Variants in SNTB1 observed in about 807,000 individuals in gnomAD.
SNTB1 encodes syntrophin beta 1.
Under a neutral mutation model 48.9 loss-of-function variants are expected in SNTB1, and 36 were observed. That is an observed-to-expected ratio of 0.74 (90% CI 0.56 to 0.97). SNTB1 has a LOEUF of 0.97. Ranked by LOEUF, SNTB1 falls within the 50% of genes least tolerant of loss-of-function variation. The pLI is 0.00. For missense variants in SNTB1, 786 were observed against 703.4 expected, an observed-to-expected ratio of 1.12 and a Z score of -1.33; for synonymous variants, 299 against 294.6, an observed-to-expected ratio of 1.01 and a Z score of -0.15.
At chr8:120,768,704 T>G (rs1266719221) in intron 1 of SNTB1, 1 of 152,172 alleles carries the variant, frequency 6.6e-6, no homozygotes, top group Admixed American at 6.5e-5. Context: ...GTGCTTCAAG[T>G]CCTTATCAGC....
chr8:120,787,293 A>C (rs1328419490), intron 1 of SNTB1, among the ~76,000 whole-genome samples: 1 of 152,148 alleles, frequency 6.6e-6, no homozygotes, highest in Non-Finnish European at 1.5e-5. Context: ...TGAGAAAAAC[A>C]ATTCACGCAA....
chr8:120,674,290 A>T lies in SNTB1; in HGVS notation c.788+19402T>A, dbSNP rs187894317. On this transcript the variant is annotated intron_variant, in intron 2 of 6. Coordinates refer to ENST00000517992, the MANE Select transcript of SNTB1 (RefSeq NM_021021.4). ...CTTTGCTTTATCCACTCATCAGTTC[A>T]TCCAGCCATCTATCCATTCCTTCAG... Among the ~76,000 whole-genome samples the T allele has an allele frequency of 7.9e-5, 12 of 152,290 alleles. No individual in the cohort carries two copies. The East Asian group carries it at 2.3e-3, about 29-fold the overall frequency.
chr8:120,711,034 CT>C (rs1818454225), intron 1 of SNTB1, among the ~76,000 whole-genome samples: 1 of 152,124 alleles, frequency 6.6e-6, no homozygotes, highest in African/African-American at 2.4e-5. Flanking sequence ...ATCTTTTTGG[CT>C]TGTGCAAAAA....
intron 2 of SNTB1, among the ~76,000 whole-genome samples, chr8:120,645,498 G>C (rs1170982463): frequency 1.3e-5 from 2 of 151,762 alleles, no homozygotes; most frequent in African/African-American, 2.4e-5. Flanking sequence ...ATTTCTGAGA[G>C]CTCTGTTCTG....
At chr8:120,622,185 C>T (rs532154924) in intron 3 of SNTB1, among the ~76,000 whole-genome samples, 33 of 152,132 alleles carry the variant, frequency 2.2e-4, no homozygotes, top group Non-Finnish European at 4.1e-4. Flanking sequence ...AAGTGACTAA[C>T]GTAATTCTGA....
At chr8:120,721,060 A>G (rs1563579987) in intron 1 of SNTB1, among the ~76,000 whole-genome samples, 1 of 152,128 alleles carries the variant, frequency 6.6e-6, no homozygotes, top group East Asian at 1.9e-4. Context: ...AGCTTTTATT[A>G]ATGTGTTAGA....
rs11365836 is a variant in SNTB1 at position 120,603,099 on chromosome 8, ATT to A, written c.997-27876_997-27875del. On this transcript the variant is annotated intron_variant, in intron 3 of 6. Coordinates refer to ENST00000517992, the MANE Select transcript of SNTB1 (RefSeq NM_021021.4). ...CCACCCCCCTCAAAAAAGTCTCTAG[ATT>A]TTTTTTTTTTTCTTTTTTTGAGACG... Among the ~76,000 whole-genome samples, 777 of 146,682 alleles carry A rather than the reference ATT, an allele frequency of 5.3e-3. 6 individuals carry two copies. Among genetic ancestry groups the A allele is most frequent in the African/African-American group, 0.018 (713 of 40,180 alleles).
chr8:120,541,946 A>C lies in SNTB1; in HGVS notation c.1388T>G (p.Phe463Cys). 1 of 1,613,968 alleles carries C rather than the reference A, an allele frequency of 6.2e-7. No homozygotes were observed. The highest frequency in any genetic ancestry group is 8.5e-7 in the Non-Finnish European group (1 of 1,179,936). Residue 463 changes from phenylalanine (F) to cysteine (C), a missense_variant, in exon 6 of 7, where the codon TTT (phenylalanine) becomes TGT (cysteine). Coordinates refer to ENST00000517992, the MANE Select transcript of SNTB1 (RefSeq NM_021021.4). ...CRLTIHYENG[F>C]SITTEPQEGA... The stretch of plus-strand genomic sequence containing the variant: ...CTCCTGTGGTTCAGTGGTAATAGAA[A>C]ATCCATTCTCATAATGTATGGTCAA...
chr8:120,775,097 T>G (rs1024154136), intron 1 of SNTB1, among the ~76,000 whole-genome samples: 4 of 152,188 alleles, frequency 2.6e-5, no homozygotes, highest in Non-Finnish European at 5.9e-5. Context: ...CATAACATAC[T>G]TGTCTAAAAC....
intron 3 of SNTB1, among the ~76,000 whole-genome samples, chr8:120,594,072 T>C (rs1816286290): frequency 6.6e-6 from 1 of 152,080 alleles, no homozygotes; most frequent in African/African-American, 2.4e-5. Flanking sequence ...TTTATTTATT[T>C]ATTTATTTTG....
In SNTB1 at chr8:120,767,028, T is replaced by C. The variant is rs892381673; in HGVS notation, c.571+44245A>G. ...AATCAAAACAAAGAGTTTAACTATG[T>C]TTTACAGATGGCCAGAAATCTAGTG... On this transcript the variant is annotated intron_variant, in intron 1 of 6. Transcript: ENST00000517992. Among the ~76,000 whole-genome samples, 8 of 152,304 alleles carry C rather than the reference T, an allele frequency of 5.3e-5. No individual in the cohort carries two copies. The East Asian group carries it at 1.3e-3, about 26-fold the overall frequency.
At chr8:120,696,216 T>C (rs1587095974) in intron 1 of SNTB1, among the ~76,000 whole-genome samples, 1 of 152,234 alleles carries the variant, frequency 6.6e-6, no homozygotes, top group East Asian at 1.9e-4. Context: ...ATTATCCTTC[T>C]GAGTGGAGTA....
At chr8:120,793,045 C>T (rs1429939571) in intron 1 of SNTB1, among the ~76,000 whole-genome samples, 1 of 151,858 alleles carries the variant, frequency 6.6e-6, no homozygotes, top group African/African-American at 2.4e-5. Flanking sequence ...TTTAGGGCTC[C>T]ATACTAAGAG....
Position 120,672,479 on chromosome 8 carries a change from T to C in SNTB1, c.788+21213A>G, listed in dbSNP as rs374984068. 9.9e-5 allele frequency among the ~76,000 whole-genome samples: 15 copies of C among 152,250 alleles called. No individual in the cohort carries two copies. In the South Asian group the frequency reaches 2.1e-3, roughly 21 times the overall value. On this transcript the variant is annotated intron_variant, in intron 2 of 6. Transcript: ENST00000517992. ...TGACTTTCAAGGTCAATCCTGGGGGTGAGGATGATTTAACTCACTGATCAG... is the reference window on the plus strand; with the variant it reads ...TGACTTTCAAGGTCAATCCTGGGGGCGAGGATGATTTAACTCACTGATCAG...
At chr8:120,692,213 A>G (rs1818140615) in intron 2 of SNTB1, among the ~76,000 whole-genome samples, 1 of 152,142 alleles carries the variant, frequency 6.6e-6, no homozygotes, top group African/African-American at 2.4e-5. Context: ...CAGCGTCCTT[A>G]GAGTGAGCTA....
At chr8:120,696,019 A>G (rs539337693) in intron 1 of SNTB1, among the ~76,000 whole-genome samples, 9 of 152,206 alleles carry the variant, frequency 5.9e-5, no homozygotes, top group South Asian at 2.1e-4. Flanking sequence ...AGGGGGACAT[A>G]TTGAAGCTGT....
At chr8:120,563,165 C>T (rs1333194840) in intron 4 of SNTB1, among the ~76,000 whole-genome samples, 1 of 152,104 alleles carries the variant, frequency 6.6e-6, no homozygotes, top group Non-Finnish European at 1.5e-5. Context: ...CTGGGTTAAA[C>T]CTCCTCTATA....
At chr8:120,679,824 A>C (rs77077596) in intron 2 of SNTB1, among the ~76,000 whole-genome samples, 3 of 151,472 alleles carry the variant, frequency 2.0e-5, no homozygotes, top group African/African-American at 7.3e-5. Flanking sequence ...CTTAGCTCTC[A>C]TCATGATGAC....
chr8:120,725,046 T>C (rs1353481550), intron 1 of SNTB1, among the ~76,000 whole-genome samples: 1 of 152,222 alleles, frequency 6.6e-6, no homozygotes, highest in Non-Finnish European at 1.5e-5. Flanking sequence ...GAGGACTTCC[T>C]GTCTTAAGGC....
Sources: gnomAD v4.1 joint callset for allele counts (sites outside exome capture counted in the v4.1 genomes callset) on GRCh38, gnomAD v4.1.1 for gene constraint, MANE v1.5 for transcripts, NCBI Gene and HGNC (gene_info 2026-07-23, HGNC 2026-07-21) for gene names.